KCNH1: variants seen among roughly 807,000 people sequenced by gnomAD.
The protein encoded by KCNH1 is voltage-gated delayed rectifier potassium channel KCNH1.
Under a neutral mutation model 69.2 loss-of-function variants are expected in KCNH1, and 27 were observed. The ratio of observed to expected loss-of-function variants is 0.39; its 90% confidence interval spans 0.29 to 0.54. KCNH1 has a LOEUF of 0.54. KCNH1 is among the 20% of genes least tolerant of loss of function. The probability of loss-of-function intolerance (pLI) is 0.68; values close to 1 mark genes in which losing one functional copy is unlikely to be tolerated. For synonymous variants in KCNH1, 456 were observed against 487.7 expected, an observed-to-expected ratio of 0.93 and a Z score of 0.86; for missense variants, 798 against 1,261.6, an observed-to-expected ratio of 0.63 and a Z score of 5.57.
At chr1:210,854,643 C>A (rs1685792458) in intron 7 of KCNH1, among the ~76,000 whole-genome samples, 1 of 152,164 alleles carries the variant, frequency 6.6e-6, no homozygotes, top group African/African-American at 2.4e-5. Flanking sequence ...CTAGGGCTGG[C>A]CCATCAAAGG....
In KCNH1 at chr1:210,683,178, A is replaced by C; in HGVS notation, c.*103T>G. The C allele has an allele frequency of 8.8e-7, 1 of 1,138,044 alleles. No individual in the cohort carries two copies. The highest frequency in any genetic ancestry group is 1.5e-5 in the South Asian group (1 of 65,850). The allele number at this position is 1,138,044 out of a possible 1,614,324, so 70.5% of individuals were successfully genotyped here. A position where few individuals can be genotyped will look rare whatever the true frequency, so the allele number is the denominator to read the frequency against. On this transcript the variant is annotated 3_prime_UTR_variant, in exon 11 of 11. Coordinates refer to ENST00000271751, the MANE Select transcript of KCNH1 (RefSeq NM_172362.3). The surrounding 1 kb of genome is among the most constrained non-coding windows in gnomAD (Gnocchi z 5.7). ...TGGCCCCACTTTTTCTGTTAGGAAA[A>C]GCCTACTTGAAAATTGTTGGTCATG...
chr1:210,963,089 T>C (rs1574364511), intron 6 of KCNH1, among the ~76,000 whole-genome samples: 1 of 152,116 alleles, frequency 6.6e-6, no homozygotes, highest in East Asian at 1.9e-4. Context: ...ATTTTCTTCA[T>C]GCTGTCTCTG....
rs1681233467 is a variant in KCNH1, at chr1:210,680,330, A to C, written c.*2951T>G. ...AAAGTAAAGAATTTAGTAGAAATCA[A>C]ATAACCAGCACTTACTAGATAATGG... On this transcript the variant is annotated 3_prime_UTR_variant, in exon 11 of 11. Transcript: ENST00000271751. The C allele has an allele frequency of 6.6e-6, 1 of 150,822 alleles. No individual in the cohort carries two copies. The highest frequency in any genetic ancestry group is 6.7e-5 in the Admixed American group (1 of 15,032). The allele number at this position is 150,822 out of a possible 1,614,324, so 9.3% of individuals were successfully genotyped here.
rs563765956 is a variant in KCNH1 at position 210,859,572 on chromosome 1, A to T, written c.1463-55406T>A. On this transcript the variant is annotated intron_variant, in intron 7 of 10. Transcript: ENST00000271751. The stretch of plus-strand genomic sequence containing the variant: ...ATTCTTTCCCATCTTCATCAATATC[A>T]TCTTCATCACTCCCCAGTTCCTCGG... 5.1e-6 allele frequency: 8 copies of T among 1,558,622 alleles called. No individual in the cohort carries two copies. The South Asian group carries it at 8.9e-5, about 17-fold the overall frequency.
intron 5 of KCNH1, among the ~76,000 whole-genome samples, chr1:211,064,879 G>GA (rs1196559992): frequency 6.6e-6 from 1 of 152,108 alleles, no homozygotes; most frequent in Non-Finnish European, 1.5e-5. Flanking sequence ...ACAGGTACAT[G>GA]AAAAAATGCT....
intron 5 of KCNH1, among the ~76,000 whole-genome samples, chr1:211,033,914 TC>T (rs1352903516): frequency 7.0e-5 from 10 of 143,800 alleles, no homozygotes; most frequent in South Asian, 2.3e-4. Flanking sequence ...TAAAGTATAA[TC>T]AAAAAAAAAA....
chr1:210,859,514 C>T (rs940545421), intron 7 of KCNH1: 2 of 1,600,104 alleles, frequency 1.2e-6, no homozygotes, highest in African/African-American at 2.7e-5. Flanking sequence ...TCATCTCCAT[C>T]TTCACCTGCC....
intron 10 of KCNH1, among the ~76,000 whole-genome samples, chr1:210,728,667 G>A (rs1682669273): frequency 6.6e-6 from 1 of 152,192 alleles, no homozygotes; most frequent in Non-Finnish European, 1.5e-5. Context: ...AGCCATCCAG[G>A]GACGCAGCTG....
chr1:210,896,213 A>G (rs776849650), intron 7 of KCNH1, among the ~76,000 whole-genome samples: 5 of 152,180 alleles, frequency 3.3e-5, no homozygotes, highest in Admixed American at 1.3e-4. Flanking sequence ...TGGTTTTCCT[A>G]GTCCTTAATT....
intron 5 of KCNH1, among the ~76,000 whole-genome samples, chr1:211,061,239 A>G (rs1690427844): frequency 6.6e-6 from 1 of 152,204 alleles, no homozygotes; most frequent in Non-Finnish European, 1.5e-5. Context: ...CCTTAAAAAC[A>G]TTTGATAAAA....
intron 7 of KCNH1, among the ~76,000 whole-genome samples, chr1:210,832,596 T>C (rs974338628): frequency 6.6e-6 from 1 of 152,030 alleles, no homozygotes; most frequent in South Asian, 2.1e-4. Flanking sequence ...AGGGAACAGA[T>C]AACAAAAGGT....
chr1:210,735,071 G>T (rs781717679), intron 10 of KCNH1, among the ~76,000 whole-genome samples: 1 of 152,220 alleles, frequency 6.6e-6, no homozygotes, highest in South Asian at 2.1e-4. Flanking sequence ...GGTTTAGAAT[G>T]CTCCACACTT....
intron 5 of KCNH1, among the ~76,000 whole-genome samples, chr1:211,037,924 G>T (rs1234486859): frequency 1.3e-5 from 2 of 149,716 alleles, no homozygotes; most frequent in Non-Finnish European, 3.0e-5. Flanking sequence ...AGATTTGATT[G>T]ATTTATCAGG....
chr1:210,866,319 T>C (rs1686108281), intron 7 of KCNH1, among the ~76,000 whole-genome samples: 1 of 151,938 alleles, frequency 6.6e-6, no homozygotes, highest in Non-Finnish European at 1.5e-5. Context: ...ATCAAGCTAG[T>C]AAAAAATGCA....
intron 7 of KCNH1, among the ~76,000 whole-genome samples, chr1:210,880,444 G>A (rs535870037): frequency 1.3e-5 from 2 of 152,146 alleles, no homozygotes; most frequent in African/African-American, 4.8e-5. Context: ...TACAAATATA[G>A]TTAATTGATC....
At chr1:211,001,208 C>T (rs575556961) in intron 6 of KCNH1, among the ~76,000 whole-genome samples, 118 of 152,240 alleles carry the variant, frequency 7.8e-4, no homozygotes, top group African/African-American at 2.4e-3. Context: ...AAAGAAACTA[C>T]CATCAGAGTG....
intron 10 of KCNH1, among the ~76,000 whole-genome samples, chr1:210,702,882 C>T (rs1022659843): frequency 3.3e-5 from 5 of 149,568 alleles, no homozygotes; most frequent in African/African-American, 7.7e-5. Flanking sequence ...GTCTGCCTTC[C>T]GTCTTTCAAA....
chr1:210,963,177 A>C (rs1688329968), intron 6 of KCNH1, among the ~76,000 whole-genome samples: 1 of 150,602 alleles, frequency 6.6e-6, no homozygotes, highest in South Asian at 2.1e-4. Flanking sequence ...TGCCTTAAGA[A>C]ACCCTCTACT....
chr1:211,086,799 G>T (rs991274915), intron 4 of KCNH1, among the ~76,000 whole-genome samples: 1 of 152,166 alleles, frequency 6.6e-6, no homozygotes. Flanking sequence ...TACCAAAAAA[G>T]ACAGAGGCCA....
Sources: gnomAD v4.1 joint callset for allele counts (sites outside exome capture counted in the v4.1 genomes callset) on GRCh38, gnomAD v4.1.1 for gene constraint, Gnocchi (gnomAD v3.1) non-coding constraint, MANE v1.5 for transcripts, NCBI Gene and HGNC (gene_info 2026-07-23, HGNC 2026-07-21) for gene names.